The following CADPS2 variants were observed in gnomAD, a reference collection of about 807,000 sequenced individuals.
The protein encoded by CADPS2 is calcium-dependent secretion activator 2.
A neutral mutation model predicts 172.5 loss-of-function variants in CADPS2; 93 were observed. That is an observed-to-expected ratio of 0.54 (90% CI 0.46 to 0.64). CADPS2 has a LOEUF of 0.64. Among genes scored for constraint, CADPS2 ranks in the 30% least tolerant of loss-of-function variants. The pLI, the probability that CADPS2 is intolerant of heterozygous loss-of-function variation, is 0.00. For synonymous variants in CADPS2, 546 were observed against 555.2 expected, an observed-to-expected ratio of 0.98 and a Z score of 0.23; for missense variants, 1,420 against 1,565.9, an observed-to-expected ratio of 0.91 and a Z score of 1.57.
At chr7:122,564,767 T>A (rs189371162) in intron 7 of CADPS2, among the ~76,000 whole-genome samples, 2 of 152,052 alleles carry the variant, frequency 1.3e-5, no homozygotes, top group East Asian at 3.9e-4. Flanking sequence ...TCAACCAAAA[T>A]GTCTATCAAC....
intron 1 of CADPS2, among the ~76,000 whole-genome samples, chr7:122,795,311 C>T (rs1020645077): frequency 3.9e-5 from 6 of 152,100 alleles, no homozygotes; most frequent in African/African-American, 1.4e-4. Context: ...AAACAACCAT[C>T]AGAGAATATC....
At chr7:122,511,189 T>C (rs1373361910) in intron 9 of CADPS2, among the ~76,000 whole-genome samples, 1 of 152,158 alleles carries the variant, frequency 6.6e-6, no homozygotes, top group African/African-American at 2.4e-5. Flanking sequence ...ATATGTTTGT[T>C]ACTGAGAAAA....
intron 17 of CADPS2, among the ~76,000 whole-genome samples, chr7:122,418,086 C>A (rs1245043651): frequency 6.6e-6 from 1 of 151,698 alleles, no homozygotes; most frequent in Non-Finnish European, 1.5e-5. Flanking sequence ...AGGAGAATCG[C>A]TTGAACCTGG....
intron 1 of CADPS2, among the ~76,000 whole-genome samples, chr7:122,792,442 C>G (rs902468650): frequency 3.3e-5 from 5 of 152,090 alleles, no homozygotes; most frequent in African/African-American, 4.8e-5. Flanking sequence ...CACGGCCTCA[C>G]GAGAGGTGAA....
intron 2 of CADPS2, among the ~76,000 whole-genome samples, chr7:122,673,192 T>C (rs773119638): frequency 3.9e-5 from 6 of 152,212 alleles, no homozygotes; most frequent in Non-Finnish European, 7.3e-5. Context: ...GCAGCAAGAT[T>C]CATTGCAAAG....
At chr7:122,844,159 G>A (rs929979022) in intron 1 of CADPS2, among the ~76,000 whole-genome samples, 1 of 152,228 alleles carries the variant, frequency 6.6e-6, no homozygotes, top group Non-Finnish European at 1.5e-5. Flanking sequence ...CTCACCTGGA[G>A]GTGAGACTGA....
chr7:122,647,611 T>C (rs1486400000), intron 3 of CADPS2, among the ~76,000 whole-genome samples: 1 of 152,216 alleles, frequency 6.6e-6, no homozygotes, highest in Non-Finnish European at 1.5e-5. Context: ...TTTAACTTTT[T>C]TCTAGTTTAA....
chr7:122,692,557 G>A (rs1035346320), intron 2 of CADPS2, among the ~76,000 whole-genome samples: 8 of 152,282 alleles, frequency 5.3e-5, no homozygotes, highest in Admixed American at 3.9e-4. Flanking sequence ...GGCCCACCCA[G>A]GCAGCACCGC....
At chr7:122,869,420 ATAATATATTCAAAGAGC>A (rs1167553748) in intron 1 of CADPS2, among the ~76,000 whole-genome samples, 7 of 152,236 alleles carry the variant, frequency 4.6e-5, no homozygotes, top group African/African-American at 1.2e-4. Context: ...AGTAAATGGG[ATAATATATTCAAAGAGC>A]TAAAAGAAAA....
At chr7:122,708,753 G>C (rs2088103380) in intron 2 of CADPS2, among the ~76,000 whole-genome samples, 1 of 151,400 alleles carries the variant, frequency 6.6e-6, no homozygotes, top group African/African-American at 2.4e-5. Flanking sequence ...ACAATAAATT[G>C]AAAACAATTT....
chr7:122,327,284 GCACT>G (rs2034059433), intron 28 of CADPS2, among the ~76,000 whole-genome samples: 1 of 151,850 alleles, frequency 6.6e-6, no homozygotes, highest in South Asian at 2.1e-4. Context: ...TTTAATACAG[GCACT>G]CACTCACAAG....
chr7:122,719,550 G>A (rs1365122806), intron 2 of CADPS2, among the ~76,000 whole-genome samples: 2 of 152,128 alleles, frequency 1.3e-5, no homozygotes, highest in Non-Finnish European at 2.9e-5. Flanking sequence ...TAACATGCAC[G>A]AGCAGAGGTT....
intron 3 of CADPS2, among the ~76,000 whole-genome samples, chr7:122,660,368 TGTTTC>T (rs1436270669): frequency 3.3e-5 from 5 of 152,088 alleles, no homozygotes; most frequent in South Asian, 2.1e-4. Context: ...ACCAAAATTT[TGTTTC>T]GTTTTTTAAA....
chr7:122,627,331 T>C (rs2076176897), intron 4 of CADPS2, among the ~76,000 whole-genome samples: 1 of 152,236 alleles, frequency 6.6e-6, no homozygotes, highest in Non-Finnish European at 1.5e-5. Context: ...TTAAGACGGC[T>C]TCACTTTGGT....
At chr7:122,875,590 G>C (rs909675925) in intron 1 of CADPS2, among the ~76,000 whole-genome samples, 2 of 152,012 alleles carry the variant, frequency 1.3e-5, no homozygotes, top group Non-Finnish European at 2.9e-5. Context: ...ACAATGCTAA[G>C]TACCATAAGC....
At chr7:122,535,073 T>G (rs2062118324) in intron 8 of CADPS2, among the ~76,000 whole-genome samples, 2 of 152,152 alleles carry the variant, frequency 1.3e-5, no homozygotes, top group African/African-American at 4.8e-5. Flanking sequence ...ATACTTCCAG[T>G]CCTCATGACT....
chr7:122,521,966 T>C (rs10275211), intron 8 of CADPS2, among the ~76,000 whole-genome samples: 1,912 of 152,224 alleles, frequency 0.013, 36 homozygotes, highest in African/African-American at 0.043. Context: ...AAAAATTTGC[T>C]TGCTATAGCA....
intron 1 of CADPS2, among the ~76,000 whole-genome samples, chr7:122,840,040 T>C (rs1336813367): frequency 6.6e-6 from 1 of 152,136 alleles, no homozygotes; most frequent in Non-Finnish European, 1.5e-5. Context: ...CAAATGTCCA[T>C]CAATGATAGA....
intron 1 of CADPS2, among the ~76,000 whole-genome samples, chr7:122,759,321 G>A (rs980526567): frequency 1.3e-5 from 2 of 152,172 alleles, no homozygotes; most frequent in African/African-American, 4.8e-5. Context: ...GAGTAATGAA[G>A]TAGATGTCAG....
Sources: allele counts gnomAD v4.1 joint callset (sites outside exome capture counted in the v4.1 genomes callset), GRCh38; gene constraint gnomAD v4.1.1; transcripts MANE v1.5; gene names NCBI Gene and HGNC (gene_info 2026-07-23, HGNC 2026-07-21).